MUSK: variants seen among roughly 807,000 people sequenced by gnomAD.
MUSK encodes muscle associated receptor tyrosine kinase, also known as muscle, skeletal receptor tyrosine-protein kinase.
A neutral mutation model predicts 88.7 loss-of-function variants in MUSK; 55 were observed. That is an observed-to-expected ratio of 0.62 (90% CI 0.50 to 0.78). The LOEUF (loss-of-function observed/expected upper bound fraction) is 0.78, where lower values mean the gene tolerates loss of function less well. Among genes scored for constraint, MUSK ranks in the 30% least tolerant of loss-of-function variants. The pLI is 0.00. For synonymous variants in MUSK, 387 were observed against 391.9 expected, an observed-to-expected ratio of 0.99 and a Z score of 0.15; for missense variants, 1,015 against 1,074.3, an observed-to-expected ratio of 0.94 and a Z score of 0.77.
At chr9:110,690,475 T>TATAAATATATATATTTCA (rs2076330685) in intron 3 of MUSK, among the ~76,000 whole-genome samples, 2 of 103,676 alleles carry the variant, frequency 1.9e-5, no homozygotes, top group African/African-American at 4.3e-5. Flanking sequence ...TATAAGTATA[T>TATAAATATATATATTTCA]ATATAAATAT....
At chr9:110,672,425 T>C (rs553595346) in intron 1 of MUSK, among the ~76,000 whole-genome samples, 1 of 152,250 alleles carries the variant, frequency 6.6e-6, no homozygotes, top group East Asian at 1.9e-4. Flanking sequence ...TTTACTGCAC[T>C]ATACCCAGCA....
intron 2 of MUSK, among the ~76,000 whole-genome samples, chr9:110,684,288 T>A (rs977536315): frequency 3.9e-5 from 6 of 151,982 alleles, no homozygotes; most frequent in African/African-American, 1.4e-4. Context: ...ATGAAATGAG[T>A]TCACTGCAGG....
At chr9:110,701,407 A>C (rs2076498165) in intron 5 of MUSK, among the ~76,000 whole-genome samples, 1 of 152,216 alleles carries the variant, frequency 6.6e-6, no homozygotes, top group Non-Finnish European at 1.5e-5. Context: ...GAGAGATTGA[A>C]GCATGAATCA....
rs2078150814 is a variant in MUSK, at chr9:110,805,600, A to C, written c.*4612A>C. 6.6e-6 allele frequency among the ~76,000 whole-genome samples: 1 copy of C among 151,982 alleles called. No homozygotes were observed. Among genetic ancestry groups the C allele is most frequent in the South Asian group, 2.1e-4 (1 of 4,830 alleles). On this transcript the variant is annotated 3_prime_UTR_variant, in exon 15 of 15. Coordinates refer to ENST00000374448, the MANE Select transcript of MUSK (RefSeq NM_005592.4). ...TTTCAACTACTTTTATCATGTTAAA[A>C]ATATAGACTTCTATTTGTCTTTTAT...
chr9:110,776,625 C>T lies in MUSK; in HGVS notation c.1361-7C>T. On this transcript the variant is annotated splice_polypyrimidine_tract_variant and splice_region_variant and intron_variant, in intron 10 of 14. Transcript: ENST00000374448. ...CTTAAAACAAATTTTTATCCTTTCC[C>T]CTTCAGATTATAACAAAGAAAACCT... 1 of 1,597,738 alleles carries T rather than the reference C, an allele frequency of 6.3e-7. No individual in the cohort carries two copies. The highest frequency in any genetic ancestry group is 8.6e-7 in the Non-Finnish European group (1 of 1,166,710).
rs548932858 is a variant in MUSK at position 110,717,593 on chromosome 9, A to G, written c.629-16658A>G. Among the ~76,000 whole-genome samples, 4 of 150,204 alleles carry G rather than the reference A, an allele frequency of 2.7e-5. 1 individual carries two copies. The highest frequency in any genetic ancestry group is 1.0e-4 in the African/African-American group (4 of 39,820). On this transcript the variant is annotated intron_variant, in intron 5 of 14. Transcript: ENST00000374448. ...CATGTGCCTTTTTTCTTCTGTTTCC[A>G]ATTTCTTATTTCTGAAACATATTAT...
At chr9:110,766,627 A>C (rs988904594) in intron 8 of MUSK, among the ~76,000 whole-genome samples, 1 of 152,188 alleles carries the variant, frequency 6.6e-6, no homozygotes, top group Non-Finnish European at 1.5e-5. Flanking sequence ...GTGGTTTGTA[A>C]TTATAGTATT....
intron 6 of MUSK, among the ~76,000 whole-genome samples, chr9:110,744,461 AAGTACTCCACAGGTC>A (rs1352330419): frequency 6.6e-6 from 1 of 152,248 alleles, no homozygotes; most frequent in Non-Finnish European, 1.5e-5. Context: ...ATACATTAAG[AAGTACTCCACAGGTC>A]TATAACTGCT....
intron 7 of MUSK, among the ~76,000 whole-genome samples, chr9:110,758,545 A>G (rs1046644559): frequency 3.9e-5 from 6 of 152,206 alleles, no homozygotes; most frequent in African/African-American, 1.2e-4. Flanking sequence ...CTCCTATTCA[A>G]CATAGTACTA....
chr9:110,774,633 A>G (rs1341008796), intron 9 of MUSK, among the ~76,000 whole-genome samples: 1 of 152,144 alleles, frequency 6.6e-6, no homozygotes, highest in Non-Finnish European at 1.5e-5. Flanking sequence ...AACTCTCCTC[A>G]GGTCCTTTAC....
At chr9:110,671,596 T>C (rs935640679) in intron 1 of MUSK, among the ~76,000 whole-genome samples, 3 of 152,216 alleles carry the variant, frequency 2.0e-5, no homozygotes, top group African/African-American at 7.2e-5. Flanking sequence ...AGGCTACTAA[T>C]GCCCAATGAT....
At chr9:110,732,547 G>A (rs2076979212) in intron 5 of MUSK, among the ~76,000 whole-genome samples, 2 of 151,918 alleles carry the variant, frequency 1.3e-5, no homozygotes, top group Non-Finnish European at 2.9e-5. Flanking sequence ...ACCCCCTAAT[G>A]CTAATGATTT....
chr9:110,684,135 T>G (rs1282558519), intron 2 of MUSK, among the ~76,000 whole-genome samples: 1 of 152,158 alleles, frequency 6.6e-6, no homozygotes, highest in African/African-American at 2.4e-5. Context: ...AAATCTTTAA[T>G]CCATTTTGAT....
intron 5 of MUSK, among the ~76,000 whole-genome samples, chr9:110,702,518 A>C (rs185190380): frequency 1.9e-3 from 288 of 152,280 alleles, no homozygotes; most frequent in African/African-American, 6.7e-3. Context: ...CTTAGGAGTG[A>C]ATATTCAACA....
intron 14 of MUSK, among the ~76,000 whole-genome samples, chr9:110,798,587 GCATCCACCTATGCATTAATTCATC>G (rs982588390): frequency 2.6e-5 from 4 of 152,026 alleles, no homozygotes; most frequent in African/African-American, 7.2e-5. Flanking sequence ...ATCTATCCAT[GCATCCACCTATGCATTAATTCATC>G]CATCCACCCA....
At chr9:110,758,295 G>A (rs892788907) in intron 7 of MUSK, among the ~76,000 whole-genome samples, 19 of 152,102 alleles carry the variant, frequency 1.2e-4, no homozygotes, top group Admixed American at 1.1e-3. Flanking sequence ...TGCAAAATGT[G>A]CATCATTTCC....
intron 14 of MUSK, chr9:110,788,068 C>A: frequency 2.0e-6 from 1 of 501,808 alleles, no homozygotes; most frequent in South Asian, 2.6e-5. Flanking sequence ...TCTTTGCTGC[C>A]TCCTATTTAT....
At position 110,775,841 on chromosome 9, in the gene MUSK, T is replaced by C. The variant is rs930182416; in HGVS notation, c.1238T>C (p.Met413Thr). 1 of 1,613,862 alleles carries C rather than the reference T, an allele frequency of 6.2e-7. No individual in the cohort carries two copies. The highest frequency in any genetic ancestry group is 1.3e-5 in the African/African-American group (1 of 75,010). The change falls in exon 10 of 15, where the codon ATG becomes ACG. Residue 413 changes from methionine (M) to threonine (T), a missense_variant. Coordinates refer to ENST00000374448, the MANE Select transcript of MUSK (RefSeq NM_005592.4). Reference sequence around the variant, plus strand: ...TTCTGCGCAAAAGAATGGCTGGTAATGGAAGAGAAGACCCACAGAGGACTC... The same window carrying C: ...TTCTGCGCAAAAGAATGGCTGGTAACGGAAGAGAAGACCCACAGAGGACTC... Reference protein sequence around the residue: ...ELFCAKEWLVMEEKTHRGLYR... With the variant: ...ELFCAKEWLVTEEKTHRGLYR...
chr9:110,722,163 C>G (rs2076821456), intron 5 of MUSK, among the ~76,000 whole-genome samples: 1 of 152,116 alleles, frequency 6.6e-6, no homozygotes. Flanking sequence ...CAGAAAAACT[C>G]TTCTAGACAT....
Sources: allele counts gnomAD v4.1 joint callset (sites outside exome capture counted in the v4.1 genomes callset), GRCh38; gene constraint gnomAD v4.1.1; transcripts MANE v1.5; gene names NCBI Gene and HGNC (gene_info 2026-07-23, HGNC 2026-07-21).